TRHDE: variants seen among roughly 807,000 people sequenced by gnomAD.
TRHDE encodes thyrotropin-releasing hormone-degrading ectoenzyme.
TRHDE carries 72 observed loss-of-function variants against 125.7 expected under a neutral mutation model. The ratio of observed to expected loss-of-function variants is 0.57; its 90% CI spans 0.47 to 0.70. The LOEUF is 0.70. Among genes scored for constraint, TRHDE ranks in the 30% least tolerant of loss-of-function variants. The probability of loss-of-function intolerance (pLI) is 0.00; values close to 1 mark genes in which losing one functional copy is unlikely to be tolerated. For missense variants in TRHDE, 1,110 were observed against 1,327.1 expected (o/e 0.84, Z 2.54); for synonymous variants, 509 against 509.1 (o/e 1.00, Z 0.00).
At chr12:72,207,035 C>G (rs1279069320) in intron 2 of TRHDE, among the ~76,000 whole-genome samples, 1 of 152,124 alleles carries the variant, frequency 6.6e-6, no homozygotes, top group African/African-American at 2.4e-5. Flanking sequence ...AGGTTCTCAA[C>G]ATTTTCTATT....
intron 12 of TRHDE, among the ~76,000 whole-genome samples, chr12:72,610,498 G>A (rs1007589742): frequency 3.9e-5 from 6 of 152,122 alleles, no homozygotes; most frequent in East Asian, 1.9e-4. Flanking sequence ...AAATCAGATC[G>A]TGTCATTTCC....
chr12:72,538,124 C>A (rs1294134507), intron 6 of TRHDE, among the ~76,000 whole-genome samples: 1 of 151,952 alleles, frequency 6.6e-6, no homozygotes, highest in Non-Finnish European at 1.5e-5. Flanking sequence ...AAAAAAATTT[C>A]TCCCATTTCT....
chr12:72,549,022 C>T (rs181573567), intron 7 of TRHDE, among the ~76,000 whole-genome samples: 2 of 151,954 alleles, frequency 1.3e-5, no homozygotes, highest in African/African-American at 2.4e-5. Flanking sequence ...TATTTAACTG[C>T]TCTTTTCCAT....
At chr12:72,149,714 G>C (rs887131163) in intron 2 of TRHDE, among the ~76,000 whole-genome samples, 3 of 151,788 alleles carry the variant, frequency 2.0e-5, no homozygotes, top group African/African-American at 4.8e-5. Flanking sequence ...CTATAAAAGA[G>C]AGCAATTGCT....
At chr12:72,435,805 C>T (rs979305281) in intron 3 of TRHDE, among the ~76,000 whole-genome samples, 5 of 151,672 alleles carry the variant, frequency 3.3e-5, no homozygotes, top group South Asian at 4.2e-4. Flanking sequence ...AACTAATGAC[C>T]TGATAGGTAA....
intron 2 of TRHDE, among the ~76,000 whole-genome samples, chr12:72,238,323 CATATATATAT>C (rs1234151305): frequency 0.043 from 581 of 13,652 alleles, 67 homozygotes; most frequent in East Asian, 0.081. Context: ...TATATATATA[CATATATATAT>C]ACACATTATA....
chr12:72,269,048 G>A (rs1290227731), upstream of TRHDE, among the ~76,000 whole-genome samples: 5 of 151,988 alleles, frequency 3.3e-5, no homozygotes, highest in Non-Finnish European at 2.9e-5. Context: ...AACACTGAAA[G>A]CAACCTTAAA....
At chr12:72,660,457 C>T (rs1874872453) in intron 18 of TRHDE, among the ~76,000 whole-genome samples, 1 of 152,148 alleles carries the variant, frequency 6.6e-6, no homozygotes, top group African/African-American at 2.4e-5. Flanking sequence ...GAACGGGTGC[C>T]TTCCCTGGCA....
chr12:72,312,535 T>A (rs1207937781), intron 2 of TRHDE, among the ~76,000 whole-genome samples: 21 of 152,278 alleles, frequency 1.4e-4, no homozygotes, highest in Non-Finnish European at 2.9e-5. Context: ...ATGCAACAAA[T>A]GATACTTCGG....
At chr12:72,645,821 A>G (rs546181901) in intron 15 of TRHDE, among the ~76,000 whole-genome samples, 1 of 152,286 alleles carries the variant, frequency 6.6e-6, no homozygotes, top group African/African-American at 2.4e-5. Flanking sequence ...TATATTCAAA[A>G]TGCTGAAAGG....
intron 12 of TRHDE, among the ~76,000 whole-genome samples, chr12:72,604,293 A>G (rs1405254799): frequency 6.6e-6 from 1 of 152,160 alleles, no homozygotes; most frequent in African/African-American, 2.4e-5. Context: ...CTTTGAAATA[A>G]TCAAGCAGCA....
At chr12:72,520,362 C>T (rs534428675) in intron 6 of TRHDE, among the ~76,000 whole-genome samples, 11 of 152,294 alleles carry the variant, frequency 7.2e-5, no homozygotes, top group Middle Eastern at 3.4e-3. Flanking sequence ...TTTTTAAGCC[C>T]GTCGGAAAAG....
intron 3 of TRHDE, among the ~76,000 whole-genome samples, chr12:72,396,020 T>C (rs2135796420): frequency 6.6e-6 from 1 of 152,266 alleles, no homozygotes; most frequent in Admixed American, 6.5e-5. Context: ...TGGTATGCCA[T>C]GTATGAATTT....
At chr12:72,306,331 G>A (rs4512894) in intron 2 of TRHDE, among the ~76,000 whole-genome samples, 133,356 of 152,230 alleles carry the variant, frequency 0.88, 58,471 homozygotes, top group East Asian at 0.94. Flanking sequence ...GACTAAGCAT[G>A]ATACCTCTGT....
chr12:72,459,967 T>G, intron 3 of TRHDE, among the ~76,000 whole-genome samples: 1 of 152,028 alleles, frequency 6.6e-6, no homozygotes, highest in East Asian at 1.9e-4. Flanking sequence ...TTCCCAAGAG[T>G]GACACACACA....
intron 12 of TRHDE, among the ~76,000 whole-genome samples, chr12:72,593,976 A>G (rs1206150962): frequency 6.6e-6 from 1 of 152,218 alleles, no homozygotes; most frequent in East Asian, 1.9e-4. Context: ...CAATAAACAT[A>G]CCTGTGCATG....
intron 12 of TRHDE, among the ~76,000 whole-genome samples, chr12:72,587,000 A>G (rs1285060185): frequency 6.6e-6 from 1 of 152,166 alleles, no homozygotes; most frequent in African/African-American, 2.4e-5. Context: ...AAAAAGAACT[A>G]TAGATGAAAA....
At chr12:72,092,942 T>A (rs1475198459) in intron 1 of TRHDE, among the ~76,000 whole-genome samples, 2 of 152,168 alleles carry the variant, frequency 1.3e-5, no homozygotes, top group Non-Finnish European at 2.9e-5. Flanking sequence ...AAGGCTTCCT[T>A]GAAGTTTATG....
At chr12:72,501,298 TTTA>T (rs2135937871) in intron 6 of TRHDE, among the ~76,000 whole-genome samples, 1 of 152,252 alleles carries the variant, frequency 6.6e-6, no homozygotes, top group East Asian at 1.9e-4. Flanking sequence ...ACCTTCAGTC[TTTA>T]TCCATTAGGT....
Sources: allele counts gnomAD v4.1 joint callset (sites outside exome capture counted in the v4.1 genomes callset), GRCh38; gene constraint gnomAD v4.1.1; transcripts MANE v1.5; gene names NCBI Gene and HGNC (gene_info 2026-07-23, HGNC 2026-07-21).